BICC1: variants seen among roughly 807,000 people sequenced by gnomAD.
BICC1 encodes the protein BicC family RNA binding protein 1.
BICC1 carries 43 observed loss-of-function variants against 111.0 expected under a neutral mutation model. The observed-to-expected ratio is 0.39, with a 90% CI of 0.30 to 0.50. The LOEUF is 0.50. Ranked by LOEUF, BICC1 falls within the 20% of genes least tolerant of loss-of-function variation. The probability of loss-of-function intolerance (pLI) is 0.88; values close to 1 mark genes in which losing one functional copy is unlikely to be tolerated. For synonymous variants in BICC1, 467 were observed against 434.4 expected, an observed-to-expected ratio of 1.07 and a Z score of -0.93; for missense variants, 1,091 against 1,203.2, an observed-to-expected ratio of 0.91 and a Z score of 1.38.
intron 1 of BICC1, among the ~76,000 whole-genome samples, chr10:58,592,678 G>T (rs1844664156): frequency 6.6e-6 from 1 of 150,898 alleles, no homozygotes; most frequent in African/African-American, 2.4e-5. Context: ...TCATGCTACT[G>T]CACGCCAGCC....
intron 3 of BICC1, among the ~76,000 whole-genome samples, chr10:58,742,765 A>G (rs1321075618): frequency 6.6e-6 from 1 of 152,106 alleles, no homozygotes; most frequent in Admixed American, 6.6e-5. Context: ...CTGTGTGTCA[A>G]CAGCTTTGGC....
intron 10 of BICC1, among the ~76,000 whole-genome samples, chr10:58,797,828 A>G (rs1483763512): frequency 6.6e-6 from 1 of 152,178 alleles, no homozygotes; most frequent in East Asian, 1.9e-4. Context: ...AACAACCAAA[A>G]AAAAACAGTA....
intron 1 of BICC1, among the ~76,000 whole-genome samples, chr10:58,552,692 GA>G (rs1340524189): frequency 6.6e-6 from 1 of 152,060 alleles, no homozygotes; most frequent in Non-Finnish European, 1.5e-5. Flanking sequence ...CAGAAATAAG[GA>G]AATTGAGTTA....
intron 1 of BICC1, among the ~76,000 whole-genome samples, chr10:58,521,768 G>GGT (rs1842393819): frequency 7.1e-5 from 8 of 112,806 alleles, no homozygotes; most frequent in Admixed American, 1.2e-4. Context: ...GGAATGTGGT[G>GGT]TTTTTTTTTT....
chr10:58,722,129 T>C (rs1431491834), intron 3 of BICC1, among the ~76,000 whole-genome samples: 1 of 152,214 alleles, frequency 6.6e-6, no homozygotes, highest in Admixed American at 6.5e-5. Flanking sequence ...TTTAATAGAC[T>C]AATGGCAAGA....
At chr10:58,681,352 T>C (rs1839514086) in intron 2 of BICC1, among the ~76,000 whole-genome samples, 1 of 152,136 alleles carries the variant, frequency 6.6e-6, no homozygotes, top group Non-Finnish European at 1.5e-5. Flanking sequence ...GTGAAGGATA[T>C]GAACAGACAC....
chr10:58,807,571 A>G (rs900803516), intron 17 of BICC1, among the ~76,000 whole-genome samples: 1 of 152,206 alleles, frequency 6.6e-6, no homozygotes, highest in Non-Finnish European at 1.5e-5. Context: ...AGGTTTTCAG[A>G]TATGAGTTAA....
At chr10:58,532,942 A>AG (rs1448667540) in intron 1 of BICC1, among the ~76,000 whole-genome samples, 1 of 151,894 alleles carries the variant, frequency 6.6e-6, no homozygotes, top group Non-Finnish European at 1.5e-5. Context: ...ATGGCTACCA[A>AG]GAGGGGCACA....
intron 1 of BICC1, among the ~76,000 whole-genome samples, chr10:58,580,429 A>G (rs1243426027): frequency 6.6e-6 from 1 of 152,194 alleles, no homozygotes; most frequent in East Asian, 1.9e-4. Flanking sequence ...TGATGCTCAA[A>G]GGAAATGTTC....
chr10:58,676,666 C>T (rs540606326), intron 2 of BICC1, among the ~76,000 whole-genome samples: 24 of 152,290 alleles, frequency 1.6e-4, no homozygotes, highest in Admixed American at 3.9e-4. Context: ...AAGAGAGCAG[C>T]GGATCTCCCA....
chr10:58,684,086 C>G (rs563220948), intron 2 of BICC1, among the ~76,000 whole-genome samples: 6 of 152,140 alleles, frequency 3.9e-5, no homozygotes, highest in African/African-American at 1.2e-4. Flanking sequence ...TAGCATGAAG[C>G]GCTGTTGAAT....
At chr10:58,648,626 A>T (rs1838343734) in intron 2 of BICC1, 2 of 984,884 alleles carry the variant, frequency 2.0e-6, no homozygotes, top group Non-Finnish European at 1.2e-6. Context: ...TCTTACAGAG[A>T]CACACACAGA....
Position 58,731,125 on chromosome 10 carries a change from C to CT in BICC1, c.307+28989dup, listed in dbSNP as rs202188063. 8.6e-3 allele frequency among the ~76,000 whole-genome samples: 1,316 copies of CT among 152,250 alleles called. 24 individuals carry two copies. Among genetic ancestry groups the CT allele is most frequent in the African/African-American group, 0.03 (1,258 of 41,534 alleles). On this transcript the variant is annotated intron_variant, in intron 3 of 20. Coordinates refer to ENST00000373886, the MANE Select transcript of BICC1 (RefSeq NM_001080512.3). ...ACTTGAATGTTTTGCTGCTTAGAAA[C>CT]TTTTTTTACCAGATACTCTAAATCA...
chr10:58,768,128 A>G (rs1842508556), intron 3 of BICC1, among the ~76,000 whole-genome samples: 1 of 152,158 alleles, frequency 6.6e-6, no homozygotes, highest in South Asian at 2.1e-4. Flanking sequence ...ACCAAAATAA[A>G]ACTTCACCAA....
intron 8 of BICC1, among the ~76,000 whole-genome samples, chr10:58,792,804 C>T (rs1843223778): frequency 1.3e-5 from 2 of 151,958 alleles, no homozygotes; most frequent in African/African-American, 2.4e-5. Context: ...AATAAAGTGC[C>T]GAATAAATGT....
intron 3 of BICC1, chr10:58,715,570 A>G (rs916729305): frequency 1.1e-5 from 17 of 1,573,086 alleles, no homozygotes; most frequent in African/African-American, 8.1e-5. Context: ...AAGCGGGACA[A>G]TCGGGTGGCC....
At chr10:58,807,722 A>T (rs1333186210) in intron 17 of BICC1, among the ~76,000 whole-genome samples, 1 of 152,068 alleles carries the variant, frequency 6.6e-6, no homozygotes, top group Non-Finnish European at 1.5e-5. Flanking sequence ...TATGGAAGGG[A>T]TGGAGAGTTC....
At chr10:58,656,135 C>G (rs1172795659) in intron 2 of BICC1, among the ~76,000 whole-genome samples, 1 of 152,034 alleles carries the variant, frequency 6.6e-6, no homozygotes, top group Non-Finnish European at 1.5e-5. Flanking sequence ...TACACTCTCC[C>G]AAGACTAAAC....
chr10:58,797,444 C>T (rs1843391877), intron 10 of BICC1, among the ~76,000 whole-genome samples: 1 of 151,988 alleles, frequency 6.6e-6, no homozygotes, highest in Non-Finnish European at 1.5e-5. Flanking sequence ...TCCAAGTAGC[C>T]CTGCCTAGAC....
Sources: allele counts gnomAD v4.1 joint callset (sites outside exome capture counted in the v4.1 genomes callset), GRCh38; gene constraint gnomAD v4.1.1; transcripts MANE v1.5; gene names NCBI Gene and HGNC (gene_info 2026-07-23, HGNC 2026-07-21).